WDR37: variants seen among roughly 807,000 people sequenced by gnomAD.
WDR37 encodes WD repeat domain 37.
Under a neutral mutation model 62.9 loss-of-function variants are expected in WDR37, and 19 were observed. That is an observed-to-expected ratio of 0.30 (90% CI 0.21 to 0.44). WDR37 has a LOEUF of 0.44. Ranked by LOEUF, WDR37 falls within the 20% of genes least tolerant of loss-of-function variation. The pLI, the probability that WDR37 is intolerant of heterozygous loss-of-function variation, is 1.00. For synonymous variants in WDR37, 250 were observed against 260.9 expected, an observed-to-expected ratio of 0.96 and a Z score of 0.40; for missense variants, 474 against 657.6, an observed-to-expected ratio of 0.72 and a Z score of 3.05.
chr10:1,125,397 TAGTC>T (rs1163560062), intron 13 of WDR37, among the ~76,000 whole-genome samples: 1 of 152,126 alleles, frequency 6.6e-6, no homozygotes, highest in Non-Finnish European at 1.5e-5. Context: ...CTAATTTTGT[TAGTC>T]AGGCTGGTTA....
chr10:1,066,325 C>T (rs930638064), intron 1 of WDR37, among the ~76,000 whole-genome samples: 1 of 152,184 alleles, frequency 6.6e-6, no homozygotes, highest in Non-Finnish European at 1.5e-5. Context: ...ACCGTGTTAG[C>T]TAGGATGGTC....
chr10:1,072,013 A>G (rs1030901887), intron 1 of WDR37, 103 bp from the exon 2 acceptor site: 5 of 883,890 alleles, frequency 5.7e-6, no homozygotes, highest in Non-Finnish European at 6.6e-6. Flanking sequence ...TGTTAACTAT[A>G]GTAAGGAAGC....
At chr10:1,073,263 A>G (rs10508203) in intron 2 of WDR37, among the ~76,000 whole-genome samples, 40,439 of 152,096 alleles carry the variant, frequency 0.27, 6,173 homozygotes, top group African/African-American at 0.41. Context: ...CAATTAGAAC[A>G]AATTCATCAG....
In WDR37 at chr10:1,069,389, A is replaced by ATATATATATATTTT; in HGVS notation, c.-40-2726_-40-2725insATATATATATTTTT. On this transcript the variant is annotated intron_variant, in intron 1 of 13. Transcript: ENST00000263150. Reference sequence around the variant, plus strand: ...GGAAAGAATATATATATATATATATATTTTTTTTTTTTTTTTTTGCAGCAG... The same window carrying ATATATATATATTTT: ...GGAAAGAATATATATATATATATATATATATATATATTTTTTTTTTTTTTTTTTTTTTGCAGCAG... 5.5e-3 allele frequency among the ~76,000 whole-genome samples: 522 copies of ATATATATATATTTT among 95,690 alleles called. 11 individuals carry two copies. Among genetic ancestry groups the ATATATATATATTTT allele is most frequent in the African/African-American group, 8.3e-3 (177 of 21,324 alleles). 62.8% of individuals were successfully genotyped at this position (95,690 alleles called of 152,430 possible).
At chr10:1,092,136 C>T (rs1264750008) in intron 7 of WDR37, among the ~76,000 whole-genome samples, 7 of 144,104 alleles carry the variant, frequency 4.9e-5, no homozygotes, top group Non-Finnish European at 7.5e-5. Flanking sequence ...GCTGAGATCG[C>T]GCCACTGCAC....
chr10:1,087,053 G>A (rs1327433929), intron 7 of WDR37, among the ~76,000 whole-genome samples: 3 of 152,226 alleles, frequency 2.0e-5, no homozygotes, highest in Admixed American at 6.5e-5. Flanking sequence ...GGCTCTGAGC[G>A]CCTGTCTGCC....
chr10:1,068,854 A>G (rs1477483520), intron 1 of WDR37, among the ~76,000 whole-genome samples: 2 of 152,250 alleles, frequency 1.3e-5, no homozygotes, highest in African/African-American at 2.4e-5. Context: ...TGTATTTGGC[A>G]ATAAAAGGGA....
At chr10:1,124,135 C>A in intron 11 of WDR37, 83 bp from the exon 12 acceptor site, 3 of 1,575,480 alleles carry the variant, frequency 1.9e-6, no homozygotes, top group Non-Finnish European at 1.7e-6. Context: ...TCCTTCCCAC[C>A]CACTTGGTCA....
At position 1,129,256 on chromosome 10, in the gene WDR37, A is replaced by G; in HGVS notation, c.1397A>G (p.His466Arg). The change falls in exon 14 of 14, where the codon CAC becomes CGC. Residue 466 changes from histidine to arginine, a missense_variant. Physicochemically the swap from His to Arg is conservative, Grantham distance 29. Transcript: ENST00000263150. ...TGCTGCTCGGCATGGAGTGAAGACCACCCCGTGTGCAATCTGTTCACCTGT... is the reference window on the plus strand; with the variant it reads ...TGCTGCTCGGCATGGAGTGAAGACCGCCCCGTGTGCAATCTGTTCACCTGT... Reference protein sequence around the residue: ...MVCCSAWSEDHPVCNLFTCGF... With the variant: ...MVCCSAWSEDRPVCNLFTCGF... 1.9e-6 allele frequency: 3 copies of G among 1,613,604 alleles called. No homozygotes were observed. The highest frequency in any genetic ancestry group is 2.5e-6 in the Non-Finnish European group (3 of 1,179,928).
chr10:1,126,406 A>AC (rs1835778074), intron 13 of WDR37, among the ~76,000 whole-genome samples: 1 of 108,082 alleles, frequency 9.3e-6, no homozygotes, highest in African/African-American at 4.3e-5. Context: ...ACTGTGTCTC[A>AC]GAAAAAAAAA....
intron 3 of WDR37, 66 bp downstream of exon 3, chr10:1,078,069 A>C (rs1313708417): frequency 1.7e-6 from 2 of 1,210,098 alleles, no homozygotes; most frequent in African/African-American, 3.1e-5. Flanking sequence ...TTATGAATAG[A>C]CATTCATCAC....
rs1216265034 is a variant in WDR37 at position 1,130,309 on chromosome 10, A to G, written c.*965A>G. Reference sequence around the variant, plus strand: ...GGTCTCACTGTTGCCTGGCTGGAGCACTTTGGTTTATAGCTGGAATACTGA... The same window carrying G: ...GGTCTCACTGTTGCCTGGCTGGAGCGCTTTGGTTTATAGCTGGAATACTGA... On this transcript the variant is annotated 3_prime_UTR_variant, in exon 14 of 14. Coordinates refer to ENST00000263150, the MANE Select transcript of WDR37 (RefSeq NM_014023.4). 6.5e-6 allele frequency: 1 copy of G among 152,682 alleles called. No individual in the cohort carries two copies. The highest frequency in any genetic ancestry group is 1.5e-5 in the Non-Finnish European group (1 of 68,092). The allele number at this position is 152,682 out of a possible 1,614,324, so 9.5% of individuals were successfully genotyped here.
chr10:1,077,833 A>G, intron 2 of WDR37, 74 bp from the exon 3 acceptor site: 2 of 1,078,884 alleles, frequency 1.9e-6, no homozygotes, highest in East Asian at 2.4e-5. Context: ...AAGATAATTC[A>G]CTTTGGAAAA....
chr10:1,070,454 C>G (rs565597981), intron 1 of WDR37, among the ~76,000 whole-genome samples: 1 of 152,062 alleles, frequency 6.6e-6, no homozygotes, highest in African/African-American at 2.4e-5. Context: ...TGTATATACT[C>G]ACATTCATAT....
intron 3 of WDR37, 45 bp downstream of exon 3, chr10:1,078,048 C>T (rs1185105765): frequency 3.5e-6 from 5 of 1,438,736 alleles, no homozygotes; most frequent in Non-Finnish European, 4.8e-6. Context: ...TTTACCTATC[C>T]ATAGTCAAAT....
At chr10:1,104,807 A>G (rs892648229) in intron 10 of WDR37, among the ~76,000 whole-genome samples, 2 of 152,226 alleles carry the variant, frequency 1.3e-5, no homozygotes, top group African/African-American at 4.8e-5. Context: ...TATCATTAGA[A>G]GGTATTCTAA....
chr10:1,110,056 C>T (rs574497852), intron 11 of WDR37, among the ~76,000 whole-genome samples: 52 of 152,316 alleles, frequency 3.4e-4, no homozygotes, highest in African/African-American at 8.7e-4. Context: ...AGATCGTTTA[C>T]GCTTTCTTTT....
At chr10:1,086,423 G>C in intron 7 of WDR37, 66 bp downstream of exon 7, 1 of 1,346,228 alleles carries the variant, frequency 7.4e-7, no homozygotes, top group Non-Finnish European at 1.1e-6. Context: ...TTTTAAAATC[G>C]TGCATGATAA....
intron 1 of WDR37, among the ~76,000 whole-genome samples, chr10:1,066,878 C>T (rs1833570936): frequency 6.6e-6 from 1 of 152,202 alleles, no homozygotes; most frequent in South Asian, 2.1e-4. Flanking sequence ...TGGATGGCGG[C>T]AGGCAGAGAG....
Sources: allele counts gnomAD v4.1 joint callset (sites outside exome capture counted in the v4.1 genomes callset), GRCh38; gene constraint gnomAD v4.1.1; transcripts MANE v1.5; gene names NCBI Gene and HGNC (gene_info 2026-07-23, HGNC 2026-07-21).